FILIP1L: variants seen among roughly 807,000 people sequenced by gnomAD.
FILIP1L encodes filamin A interacting protein 1 like, also known as filamin A-interacting protein 1-like.
A neutral mutation model predicts 96.6 loss-of-function variants in FILIP1L; 55 were observed. The ratio of observed to expected loss-of-function variants is 0.57; its 90% confidence interval spans 0.46 to 0.71. The LOEUF (loss-of-function observed/expected upper bound fraction) is 0.71, where lower values mean the gene tolerates loss of function less well. Among genes scored for constraint, FILIP1L ranks in the 30% least tolerant of loss-of-function variants. FILIP1L has a pLI of 0.00. For synonymous variants in FILIP1L, 467 were observed against 473.9 expected (o/e 0.99, Z 0.19); for missense variants, 1,304 against 1,321.2 (o/e 0.99, Z 0.20).
At chr3:99,975,467 C>G (rs1708941503) in intron 1 of FILIP1L, among the ~76,000 whole-genome samples, 1 of 151,940 alleles carries the variant, frequency 6.6e-6, no homozygotes, top group African/African-American at 2.4e-5. Context: ...TGGCGGGCGC[C>G]TGTAATCCCA....
At chr3:100,106,591 G>T (rs1344820162) in intron 1 of FILIP1L, among the ~76,000 whole-genome samples, 1 of 152,146 alleles carries the variant, frequency 6.6e-6, no homozygotes, top group Non-Finnish European at 1.5e-5. Flanking sequence ...CTGCCTTCAT[G>T]TGTGGGTATC....
At chr3:99,865,034 C>A (rs1302981288) in intron 4 of FILIP1L, among the ~76,000 whole-genome samples, 2 of 152,018 alleles carry the variant, frequency 1.3e-5, no homozygotes, top group East Asian at 3.9e-4. Context: ...TGAACAAATA[C>A]CTCTTCTATT....
intron 1 of FILIP1L, among the ~76,000 whole-genome samples, chr3:100,079,632 C>A (rs895542883): frequency 3.3e-5 from 5 of 152,230 alleles, no homozygotes; most frequent in Admixed American, 6.5e-5. Context: ...AATCCTCTTT[C>A]AAATCCTTCT....
chr3:99,830,882 A>G (rs979695093), intron 5 of FILIP1L, among the ~76,000 whole-genome samples: 2 of 152,244 alleles, frequency 1.3e-5, no homozygotes, highest in African/African-American at 4.8e-5. Flanking sequence ...GGACATATAC[A>G]AGAGTAGTGT....
Position 99,870,319 on chromosome 3 carries a change from C to T in FILIP1L, c.606-19249G>A, listed in dbSNP as rs372307487. Reference sequence around the variant, plus strand: ...CACCGTTGAGACACTAACATTTATCCCTGTCAATTCAGTGTCACTATTCAG... The same window carrying T: ...CACCGTTGAGACACTAACATTTATCTCTGTCAATTCAGTGTCACTATTCAG... On this transcript the variant is annotated intron_variant, in intron 4 of 5. Transcript: ENST00000477258. 6.3e-4 allele frequency among the ~76,000 whole-genome samples: 96 copies of T among 152,270 alleles called. 1 individual carries two copies. In the South Asian group the frequency reaches 0.019, roughly 31 times the overall value.
At chr3:100,021,222 A>T (rs764538803) in intron 1 of FILIP1L, among the ~76,000 whole-genome samples, 1 of 152,150 alleles carries the variant, frequency 6.6e-6, no homozygotes, top group Non-Finnish European at 1.5e-5. Flanking sequence ...AAGCAAAACC[A>T]TTGGAAGTAG....
intron 1 of FILIP1L, among the ~76,000 whole-genome samples, chr3:100,107,959 C>G (rs569438282): frequency 6.6e-6 from 1 of 150,972 alleles, no homozygotes; most frequent in South Asian, 2.1e-4. Flanking sequence ...TTTCTAACAT[C>G]GGTCAAGAAA....
chr3:100,053,231 T>G (rs1251918735), intron 1 of FILIP1L, among the ~76,000 whole-genome samples: 1 of 152,182 alleles, frequency 6.6e-6, no homozygotes, highest in African/African-American at 2.4e-5. Context: ...CCATAACAGA[T>G]TACCACAAAT....
At chr3:100,073,652 TGCCAG>T (rs1259289535) in intron 1 of FILIP1L, among the ~76,000 whole-genome samples, 2 of 152,194 alleles carry the variant, frequency 1.3e-5, no homozygotes, top group Non-Finnish European at 2.9e-5. Flanking sequence ...AAGTTTTTCA[TGCCAG>T]TAATAAACCT....
At chr3:99,873,124 T>C (rs1705321730) in intron 4 of FILIP1L, among the ~76,000 whole-genome samples, 1 of 152,146 alleles carries the variant, frequency 6.6e-6, no homozygotes, top group Non-Finnish European at 1.5e-5. Context: ...TAGAAAATGT[T>C]GTGGTGATGA....
chr3:99,960,942 A>G (rs1217442617), intron 1 of FILIP1L, among the ~76,000 whole-genome samples: 1 of 152,212 alleles, frequency 6.6e-6, no homozygotes, highest in African/African-American at 2.4e-5. Context: ...TATTTTTAAA[A>G]GTAACCATAT....
At chr3:100,029,729 A>AC (rs2064989954) in intron 1 of FILIP1L, among the ~76,000 whole-genome samples, 2 of 152,196 alleles carry the variant, frequency 1.3e-5, no homozygotes, top group African/African-American at 4.8e-5. Context: ...TAAAATAAAA[A>AC]CCAGCAACTT....
intron 2 of FILIP1L, among the ~76,000 whole-genome samples, 194 bp downstream of exon 2, chr3:99,930,575 T>C (rs546327363): frequency 3.3e-4 from 51 of 152,332 alleles, no homozygotes; most frequent in African/African-American, 1.1e-3. Context: ...CATGTCATCA[T>C]GACAGCCCCT....
chr3:99,839,689 A>T (rs1943045948), intron 5 of FILIP1L, among the ~76,000 whole-genome samples: 1 of 152,238 alleles, frequency 6.6e-6, no homozygotes, highest in South Asian at 2.1e-4. Flanking sequence ...AAAGAGACAG[A>T]AGTATAAAAT....
chr3:99,983,792 C>T (rs2107738128), intron 1 of FILIP1L, among the ~76,000 whole-genome samples: 1 of 151,320 alleles, frequency 6.6e-6, no homozygotes, highest in East Asian at 1.9e-4. Flanking sequence ...CTGTAGCTAG[C>T]AAGAAAAGTA....
chr3:99,993,537 G>T (rs903653181), intron 1 of FILIP1L, among the ~76,000 whole-genome samples: 6 of 152,048 alleles, frequency 3.9e-5, no homozygotes, highest in Non-Finnish European at 5.9e-5. Context: ...GTAAAAGTGG[G>T]CATCCTTGTC....
chr3:99,970,209 G>A (rs765867424), intron 1 of FILIP1L, among the ~76,000 whole-genome samples: 2 of 152,216 alleles, frequency 1.3e-5, no homozygotes, highest in Non-Finnish European at 2.9e-5. Flanking sequence ...TGAAGGCATA[G>A]AAATAATAAG....
In FILIP1L at chr3:99,929,839, C is replaced by T. The variant is rs1384583566; in HGVS notation, c.426+17G>A. The T allele has an allele frequency of 1.3e-6, 2 of 1,596,514 alleles. No individual in the cohort carries two copies. The highest frequency in any genetic ancestry group is 1.7e-6 in the Non-Finnish European group (2 of 1,170,930). On this transcript the variant is annotated intron_variant, in intron 3 of 5. Coordinates refer to ENST00000477258, the MANE Select transcript of FILIP1L (RefSeq NM_001387850.1). ...CTTGGCTGCCTCCCAGGTACACACCCCTATTGTGGTACATACCTCATTCAT... is the reference window on the plus strand; with the variant it reads ...CTTGGCTGCCTCCCAGGTACACACCTCTATTGTGGTACATACCTCATTCAT...
At chr3:100,025,090 C>T (rs1430443469) in intron 1 of FILIP1L, among the ~76,000 whole-genome samples, 10 of 152,166 alleles carry the variant, frequency 6.6e-5, no homozygotes, top group Admixed American at 6.5e-4. Context: ...AAAACAGACT[C>T]TTTGTTATTG....
Sources: allele counts gnomAD v4.1 joint callset (sites outside exome capture counted in the v4.1 genomes callset), GRCh38; gene constraint gnomAD v4.1.1; transcripts MANE v1.5; gene names NCBI Gene and HGNC (gene_info 2026-07-23, HGNC 2026-07-21).